WWOX: variants seen among roughly 807,000 people sequenced by gnomAD.
WWOX encodes the protein WW domain-containing oxidoreductase.
Under a neutral mutation model 46.2 loss-of-function variants are expected in WWOX, and 69 were observed. That is an observed-to-expected ratio of 1.49 (90% confidence interval 1.23 to 1.82). The LOEUF (loss-of-function observed/expected upper bound fraction) is 1.82, where lower values mean the gene tolerates loss of function less well. WWOX is among the 40% of genes most tolerant of loss of function. The probability of loss-of-function intolerance (pLI) is 0.00; values close to 1 mark genes in which losing one functional copy is unlikely to be tolerated. For missense variants in WWOX, 919 were observed against 542.6 expected (o/e 1.69, Z -6.89); for synonymous variants, 359 against 202.6 (o/e 1.77, Z -6.56).
At chr16:78,306,693 C>T (rs2080140012) in intron 5 of WWOX, among the ~76,000 whole-genome samples, 1 of 151,886 alleles carries the variant, frequency 6.6e-6, no homozygotes, top group African/African-American at 2.4e-5. Context: ...AGCCCTATGC[C>T]TTCCCACAAT....
At chr16:78,376,487 T>C (rs2081829423) in intron 5 of WWOX, among the ~76,000 whole-genome samples, 1 of 152,176 alleles carries the variant, frequency 6.6e-6, no homozygotes, top group East Asian at 1.9e-4. Context: ...TCTGTATTAT[T>C]TGTAATACAA....
chr16:79,123,187 T>G (rs1366172939), intron 8 of WWOX, among the ~76,000 whole-genome samples: 1 of 152,044 alleles, frequency 6.6e-6, no homozygotes, highest in Non-Finnish European at 1.5e-5. Flanking sequence ...CGCTGGTCTG[T>G]GCTCAACAGC....
intron 8 of WWOX, among the ~76,000 whole-genome samples, chr16:78,435,878 A>G (rs915632709): frequency 6.6e-6 from 1 of 152,228 alleles, no homozygotes; most frequent in Non-Finnish European, 1.5e-5. Context: ...TATAACATCA[A>G]TAATGATGGA....
chr16:79,095,218 C>G (rs1157570111), intron 8 of WWOX, among the ~76,000 whole-genome samples: 1 of 152,140 alleles, frequency 6.6e-6, no homozygotes, highest in African/African-American at 2.4e-5. Context: ...TCTACCCCAA[C>G]AGGGCTTTCT....
chr16:78,360,585 CAAAA>C (rs56382445), intron 5 of WWOX, among the ~76,000 whole-genome samples: 1 of 86,546 alleles, frequency 1.2e-5, no homozygotes, highest in Non-Finnish European at 2.2e-5. Context: ...GACTCTGTCT[CAAAA>C]AAAAAAAAAA....
chr16:78,174,737 C>G (rs1272764700), intron 5 of WWOX, among the ~76,000 whole-genome samples: 1 of 152,128 alleles, frequency 6.6e-6, no homozygotes, highest in Non-Finnish European at 1.5e-5. Flanking sequence ...CCTGTAATCC[C>G]AGCACTTTGG....
chr16:79,034,688 T>C (rs2047831300), intron 8 of WWOX, among the ~76,000 whole-genome samples: 1 of 152,206 alleles, frequency 6.6e-6, no homozygotes, highest in Non-Finnish European at 1.5e-5. Flanking sequence ...CTTTTTTTTT[T>C]TCAAAGCACT....
intron 8 of WWOX, among the ~76,000 whole-genome samples, chr16:78,613,433 A>T (rs994312061): frequency 6.6e-6 from 1 of 152,136 alleles, no homozygotes; most frequent in South Asian, 2.1e-4. Flanking sequence ...ATTGGTGTCT[A>T]TGAGGGTCAT....
intron 8 of WWOX, among the ~76,000 whole-genome samples, chr16:78,636,985 A>G (rs2046587569): frequency 6.6e-6 from 1 of 152,152 alleles, no homozygotes; most frequent in Admixed American, 6.5e-5. Context: ...GCAATTCCCA[A>G]CAGAGGCAAG....
chr16:78,181,296 G>T (rs1199684410), intron 5 of WWOX, among the ~76,000 whole-genome samples: 1 of 152,018 alleles, frequency 6.6e-6, no homozygotes, highest in Non-Finnish European at 1.5e-5. Flanking sequence ...TGTGTGTGGG[G>T]GTGTTGATCA....
chr16:78,796,617 G>C (rs1253415348), intron 8 of WWOX, among the ~76,000 whole-genome samples: 1 of 152,184 alleles, frequency 6.6e-6, no homozygotes, highest in Non-Finnish European at 1.5e-5. Flanking sequence ...AATGATACGA[G>C]TTTTATTTTG....
intron 8 of WWOX, among the ~76,000 whole-genome samples, chr16:78,626,970 G>C (rs1336159798): frequency 6.6e-6 from 1 of 152,104 alleles, no homozygotes; most frequent in Non-Finnish European, 1.5e-5. Context: ...ACACATCATG[G>C]TGTGGTGTGT....
At chr16:78,911,147 C>T (rs2045100837) in intron 8 of WWOX, among the ~76,000 whole-genome samples, 1 of 151,988 alleles carries the variant, frequency 6.6e-6, no homozygotes, top group Non-Finnish European at 1.5e-5. Context: ...TTCCTAGGCC[C>T]TTGTCAGAGT....
intron 8 of WWOX, among the ~76,000 whole-genome samples, chr16:78,541,478 A>G (rs2151527942): frequency 1.4e-5 from 1 of 70,156 alleles, no homozygotes; most frequent in East Asian, 3.5e-4. Context: ...CGTCTCAAAA[A>G]AAAAAAAAAA....
At position 78,382,667 on chromosome 16, in the gene WWOX, G is replaced by C. The variant is rs947498726; in HGVS notation, c.517-4193G>C. Among the ~76,000 whole-genome samples the C allele has an allele frequency of 2.2e-4, 33 of 152,172 alleles. 1 individual carries two copies. The highest frequency in any genetic ancestry group is 5.9e-4 in the Admixed American group (9 of 15,272). ...CGAGGCCTGAACTTTTCATGTTCTA[G>C]ATGGCATGTGCTAATTCTAACACTT... On this transcript the variant is annotated intron_variant, in intron 5 of 8. Coordinates refer to ENST00000566780, the MANE Select transcript of WWOX (RefSeq NM_016373.4).
At chr16:78,310,921 G>C (rs192318216) in intron 5 of WWOX, among the ~76,000 whole-genome samples, 1 of 152,200 alleles carries the variant, frequency 6.6e-6, no homozygotes, top group South Asian at 2.1e-4. Flanking sequence ...CAGGAGCCAG[G>C]CTTGGCATCG....
rs972482904 is a variant in WWOX, at chr16:79,011,750, C to T, written c.1057-199858C>T. On this transcript the variant is annotated intron_variant, in intron 8 of 8. Transcript: ENST00000566780. ...TCAAGCTATTCACCTGCTTTGGCCT[C>T]CCAAAGTGCTGGGATTACAGGCATG... Among the ~76,000 whole-genome samples the T allele has an allele frequency of 2.6e-5, 4 of 151,998 alleles. No homozygotes were observed. In the East Asian group the frequency reaches 5.8e-4, roughly 22 times the overall value.
chr16:78,130,642 C>T (rs563874545), intron 4 of WWOX, among the ~76,000 whole-genome samples: 1 of 152,362 alleles, frequency 6.6e-6, no homozygotes, highest in South Asian at 2.1e-4. Flanking sequence ...CCTGTAGAGG[C>T]TTGAGCTTGG....
At chr16:78,830,746 G>C (rs1181753274) in intron 8 of WWOX, among the ~76,000 whole-genome samples, 2 of 151,750 alleles carry the variant, frequency 1.3e-5, no homozygotes, top group East Asian at 2.0e-4. Context: ...GCATCAGCTT[G>C]TATTGGAGGG....
Sources: allele counts gnomAD v4.1 joint callset (sites outside exome capture counted in the v4.1 genomes callset), GRCh38; gene constraint gnomAD v4.1.1; transcripts MANE v1.5; gene names NCBI Gene and HGNC (gene_info 2026-07-23, HGNC 2026-07-21).